MYO10: variants seen among roughly 807,000 people sequenced by gnomAD.
The protein encoded by MYO10 is unconventional myosin-X.
MYO10 carries 133 observed loss-of-function variants against 257.3 expected under a neutral mutation model. The observed-to-expected ratio is 0.52, with a 90% CI of 0.45 to 0.60. The LOEUF (loss-of-function observed/expected upper bound fraction) is 0.60. Ranked by LOEUF, MYO10 falls within the 20% of genes least tolerant of loss-of-function variation. The pLI is 0.00. For synonymous variants in MYO10, 1,104 were observed against 1,028.6 expected, an observed-to-expected ratio of 1.07 and a Z score of -1.40; for missense variants, 2,399 against 2,635.7, an observed-to-expected ratio of 0.91 and a Z score of 1.97.
intron 19 of MYO10, chr5:16,738,027 A>C: frequency 1.2e-6 from 1 of 845,900 alleles, no homozygotes; most frequent in African/African-American, 1.8e-5. Flanking sequence ...GGAACTAGAA[A>C]ATCTAGAAAA....
chr5:16,791,422 T>G (rs1273774170), intron 4 of MYO10, among the ~76,000 whole-genome samples: 1 of 152,092 alleles, frequency 6.6e-6, no homozygotes, highest in African/African-American at 2.4e-5. Flanking sequence ...TTTAGATAAA[T>G]ACAGTTACTC....
chr5:16,761,614 C>G (rs1740716056), intron 16 of MYO10, 68 bp from the exon 17 acceptor site: 2 of 1,076,748 alleles, frequency 1.9e-6, no homozygotes, highest in Admixed American at 2.0e-5. Context: ...AGCAACTTCC[C>G]TGAAAGAGCC....
rs1554002917 is a variant in MYO10 at position 16,852,119 on chromosome 5, A to AAGGGAGGGAAGG, written c.120+25478_120+25489dup. Among the ~76,000 whole-genome samples the AAGGGAGGGAAGG allele has an allele frequency of 7.4e-5, 11 of 148,954 alleles. No homozygotes were observed. In the South Asian group the frequency reaches 1.9e-3, roughly 26 times the overall value. ...CTGGGAAGGAAAGAAGGAAGGAAGG[A>AAGGGAGGGAAGG]AGGGAGGGAAGGAGGGAGGGAGGGT... On this transcript the variant is annotated intron_variant, in intron 2 of 40. Coordinates refer to ENST00000513610, the MANE Select transcript of MYO10 (RefSeq NM_012334.3).
chr5:16,664,013 A>C lies in MYO10; in HGVS notation c.*2679T>G, dbSNP rs1446555431. 1 of 152,066 alleles carries C rather than the reference A, an allele frequency of 6.6e-6. No homozygotes were observed. Among genetic ancestry groups the C allele is most frequent in the Admixed American group, 6.6e-5 (1 of 15,260 alleles). 9.4% of individuals were successfully genotyped at this position (152,066 alleles called of 1,614,324 possible). ...CAATGAGTGCATGTAAAAGCAGTAA[A>C]ATTGGAATAGGTTCTGTGGCTAGGG... On this transcript the variant is annotated 3_prime_UTR_variant, in exon 41 of 41. Transcript: ENST00000513610.
intron 2 of MYO10, among the ~76,000 whole-genome samples, chr5:16,843,766 A>C (rs35374481): frequency 1.4e-4 from 21 of 151,826 alleles, no homozygotes; most frequent in African/African-American, 4.8e-4. Flanking sequence ...AGAAAAAAAA[A>C]TTTTTTTGAA....
At chr5:16,718,817 C>A (rs1344673033) in intron 19 of MYO10, among the ~76,000 whole-genome samples, 1 of 152,038 alleles carries the variant, frequency 6.6e-6, no homozygotes, top group Admixed American at 6.6e-5. Context: ...TATCTAGCTG[C>A]TCTGGTGGGG....
intron 19 of MYO10, among the ~76,000 whole-genome samples, chr5:16,744,876 T>C (rs13359146): frequency 0.18 from 26,656 of 152,120 alleles, 2,939 homozygotes; most frequent in African/African-American, 0.27. Context: ...GATAAAATTA[T>C]GCTCAGAGGC....
intron 1 of MYO10, among the ~76,000 whole-genome samples, chr5:16,928,966 T>G (rs1270247936): frequency 6.6e-6 from 1 of 151,670 alleles, no homozygotes; most frequent in Non-Finnish European, 1.5e-5. Flanking sequence ...TTTTGGTTTT[T>G]TTTTGAGACG....
chr5:16,767,458 G>A (rs923702561), intron 10 of MYO10, among the ~76,000 whole-genome samples: 1 of 151,952 alleles, frequency 6.6e-6, no homozygotes, highest in Non-Finnish European at 1.5e-5. Flanking sequence ...ACAGGTAGAA[G>A]CCACTGCGCC....
At chr5:16,766,011 A>G (rs1560973234) in intron 11 of MYO10, 69 bp downstream of exon 11, 2 of 1,080,210 alleles carry the variant, frequency 1.9e-6, no homozygotes, top group Admixed American at 3.8e-5. Context: ...ACATATTTCA[A>G]TCAAACCTAT....
intron 4 of MYO10, among the ~76,000 whole-genome samples, chr5:16,789,617 A>G (rs184239279): frequency 2.6e-5 from 4 of 152,232 alleles, no homozygotes; most frequent in South Asian, 2.1e-4. Flanking sequence ...GTGAAACCTC[A>G]TATCGTAAAA....
intron 19 of MYO10, chr5:16,738,452 G>A (rs765947310): frequency 9.2e-6 from 9 of 977,860 alleles, no homozygotes; most frequent in African/African-American, 5.3e-5. Context: ...ATGTTTAGCA[G>A]TGAGGAGAAG....
intron 19 of MYO10, chr5:16,742,266 C>G: frequency 1.0e-6 from 1 of 984,210 alleles, no homozygotes; most frequent in Non-Finnish European, 1.2e-6. Context: ...ATCCTGATCT[C>G]TACAGAGCTC....
At chr5:16,866,432 G>A (rs1744251779) in intron 2 of MYO10, among the ~76,000 whole-genome samples, 1 of 152,166 alleles carries the variant, frequency 6.6e-6, no homozygotes, top group Non-Finnish European at 1.5e-5. Context: ...ACATTAAAAT[G>A]GAGGGCCATT....
At chr5:16,679,616 G>A (rs550449417) in intron 33 of MYO10, among the ~76,000 whole-genome samples, 10 of 150,128 alleles carry the variant, frequency 6.7e-5, no homozygotes, top group South Asian at 4.2e-4. Context: ...CCTCTGCCTC[G>A]GAGGTTCAAG....
At chr5:16,909,379 C>T (rs188473270) in intron 1 of MYO10, among the ~76,000 whole-genome samples, 3 of 151,974 alleles carry the variant, frequency 2.0e-5, no homozygotes, top group South Asian at 2.1e-4. Flanking sequence ...TGGTGGTGCA[C>T]GCCTGTAATC....
intron 1 of MYO10, among the ~76,000 whole-genome samples, chr5:16,907,168 G>C (rs1745541794): frequency 6.6e-6 from 1 of 152,064 alleles, no homozygotes; most frequent in East Asian, 1.9e-4. Flanking sequence ...GAACCCACAA[G>C]AACATCGCCA....
intron 25 of MYO10, among the ~76,000 whole-genome samples, chr5:16,700,119 T>C (rs1737972583): frequency 6.6e-6 from 1 of 152,116 alleles, no homozygotes; most frequent in East Asian, 1.9e-4. Context: ...AAAAGTAAAC[T>C]ACAGATAAAT....
At chr5:16,781,124 G>A (rs1239187744) in intron 6 of MYO10, among the ~76,000 whole-genome samples, 1 of 151,220 alleles carries the variant, frequency 6.6e-6, no homozygotes, top group Admixed American at 6.6e-5. Flanking sequence ...CTCTCGCCCA[G>A]GCTGGAGTGC....
Sources: gnomAD v4.1 joint callset for allele counts (sites outside exome capture counted in the v4.1 genomes callset) on GRCh38, gnomAD v4.1.1 for gene constraint, MANE v1.5 for transcripts, NCBI Gene and HGNC (gene_info 2026-07-23, HGNC 2026-07-21) for gene names.